HCRTR2: variants seen among roughly 807,000 people sequenced by gnomAD.
HCRTR2 encodes the protein hypocretin receptor 2, also known as orexin receptor type 2.
Under a neutral mutation model 49.0 loss-of-function variants are expected in HCRTR2, and 22 were observed. That is an observed-to-expected ratio of 0.45 (90% confidence interval 0.32 to 0.64). The LOEUF is 0.64. HCRTR2 is among the 30% of genes least tolerant of loss of function. The pLI, the probability that HCRTR2 is intolerant of heterozygous loss-of-function variation, is 0.04. For missense variants in HCRTR2, 491 were observed against 559.4 expected (o/e 0.88, Z 1.23); for synonymous variants, 236 against 205.3 (o/e 1.15, Z -1.28).
At chr6:55,215,815 A>C (rs1057088238) in intron 1 of HCRTR2, among the ~76,000 whole-genome samples, 2 of 152,224 alleles carry the variant, frequency 1.3e-5, no homozygotes, top group Non-Finnish European at 2.9e-5. Flanking sequence ...ACAGGTAATA[A>C]ACAAAAGAAA....
At chr6:55,266,954 T>C (rs563912578) in intron 4 of HCRTR2, among the ~76,000 whole-genome samples, 2 of 152,302 alleles carry the variant, frequency 1.3e-5, no homozygotes, top group Non-Finnish European at 2.9e-5. Flanking sequence ...TTATCCTCAT[T>C]AGTACAAGCC....
chr6:55,110,862 C>T (rs1378575047), intron 1 of HCRTR2, among the ~76,000 whole-genome samples: 10 of 149,472 alleles, frequency 6.7e-5, no homozygotes, highest in Non-Finnish European at 1.5e-4. Flanking sequence ...AAAGTATACC[C>T]TAGACAAACA....
rs575298608 is a variant in HCRTR2, at chr6:55,269,084, T to C, written c.762+5262T>C. Among the ~76,000 whole-genome samples the C allele has an allele frequency of 4.5e-3, 523 of 115,130 alleles. 5 individuals carry two copies. The highest frequency in any genetic ancestry group is 0.032 in the Middle Eastern group (6 of 186). 75.5% of individuals were successfully genotyped at this position (115,130 alleles called of 152,430 possible). A position where few individuals can be genotyped will look rare whatever the true frequency, so the allele number is the denominator to read the frequency against. ...CAGCCTGGGCAACAGCAAGACTCCG[T>C]CTCAAAAAAAAAAAAAAAAAAAGAA... On this transcript the variant is annotated intron_variant, in intron 4 of 6. Transcript: ENST00000370862.
chr6:55,235,697 T>C (rs1320457653), intron 1 of HCRTR2, among the ~76,000 whole-genome samples: 3 of 152,114 alleles, frequency 2.0e-5, no homozygotes, highest in South Asian at 4.1e-4. Context: ...TCTATGTAGA[T>C]ATCAATTTAT....
chr6:55,110,758 A>T (rs76377058), intron 1 of HCRTR2, among the ~76,000 whole-genome samples: 37 of 152,114 alleles, frequency 2.4e-4, no homozygotes, highest in Non-Finnish European at 5.9e-5. Context: ...AAGAAATGAG[A>T]TAGACAGAAA....
chr6:55,186,263 T>C (rs1011771527), intron 1 of HCRTR2, among the ~76,000 whole-genome samples: 2 of 152,234 alleles, frequency 1.3e-5, no homozygotes, highest in Non-Finnish European at 2.9e-5. Context: ...ATTTTTTACA[T>C]ATAAGTACAT....
chr6:55,216,343 T>C (rs1765786107), intron 1 of HCRTR2, among the ~76,000 whole-genome samples: 1 of 152,076 alleles, frequency 6.6e-6, no homozygotes, highest in Admixed American at 6.5e-5. Flanking sequence ...AGCCCCAAAG[T>C]CTTAACCTGT....
intron 4 of HCRTR2, among the ~76,000 whole-genome samples, chr6:55,268,925 C>G (rs773712737): frequency 1.3e-5 from 2 of 151,636 alleles, no homozygotes; most frequent in East Asian, 3.9e-4. Flanking sequence ...CTCGTCTCTA[C>G]TAAAGATACA....
At chr6:55,159,392 C>T (rs1764774769) in intron 1 of HCRTR2, among the ~76,000 whole-genome samples, 1 of 152,060 alleles carries the variant, frequency 6.6e-6, no homozygotes, top group Non-Finnish European at 1.5e-5. Context: ...AAAACCAGCA[C>T]AAAAAAGCTG....
intron 1 of HCRTR2, among the ~76,000 whole-genome samples, chr6:55,126,231 T>TG (rs1764274421): frequency 6.6e-6 from 1 of 152,204 alleles, no homozygotes; most frequent in South Asian, 2.1e-4. Context: ...TTTTTTGCAC[T>TG]GGTTTCTCCC....
intron 3 of HCRTR2, among the ~76,000 whole-genome samples, chr6:55,261,695 G>A (rs544510353): frequency 3.3e-5 from 5 of 152,204 alleles, no homozygotes; most frequent in East Asian, 1.9e-4. Context: ...AAGCTAGTAC[G>A]ACAACTATGG....
chr6:55,232,724 G>T (rs62416786), intron 1 of HCRTR2, among the ~76,000 whole-genome samples: 26,371 of 152,082 alleles, frequency 0.17, 2,787 homozygotes, highest in Non-Finnish European at 0.24. Flanking sequence ...TATGTTCCAA[G>T]CTTTGTGACA....
rs530138605 is a variant in HCRTR2, at chr6:55,144,099, C to CTTTTTTTT, written c.-377-30087_-377-30080dup. On this transcript the variant is annotated intron_variant, in intron 1 of 7. Transcript: ENST00000615358. ...GTGACGCCATTCTTTCCCGTCCTGC[C>CTTTTTTTT]TTTTTTTTTTTTTTTTTTTTTTTTT... Among the ~76,000 whole-genome samples, 32 of 85,356 alleles carry CTTTTTTTT rather than the reference C, an allele frequency of 3.7e-4. 3 individuals are homozygous for CTTTTTTTT. Among genetic ancestry groups the CTTTTTTTT allele is most frequent in the African/African-American group, 1.2e-3 (19 of 16,358 alleles). The allele number at this position is 85,356 out of a possible 152,430, so 56.0% of individuals were successfully genotyped here.
chr6:55,178,941 T>A (rs1299058675), intron 1 of HCRTR2, among the ~76,000 whole-genome samples: 1 of 152,242 alleles, frequency 6.6e-6, no homozygotes, highest in Non-Finnish European at 1.5e-5. Context: ...GTGTTTTAAA[T>A]AACACACACA....
chr6:55,271,793 G>C (rs1055730380), intron 4 of HCRTR2, among the ~76,000 whole-genome samples: 2 of 152,034 alleles, frequency 1.3e-5, no homozygotes, highest in Non-Finnish European at 2.9e-5. Context: ...TTACTCATTA[G>C]AGAAATATTA....
intron 1 of HCRTR2, among the ~76,000 whole-genome samples, chr6:55,188,560 A>G (rs1765263927): frequency 6.6e-6 from 1 of 152,190 alleles, no homozygotes; most frequent in East Asian, 1.9e-4. Flanking sequence ...AGCATCCTGA[A>G]CCAACGCACT....
At chr6:55,126,019 C>T (rs4490665) in intron 1 of HCRTR2, among the ~76,000 whole-genome samples, 46,650 of 151,956 alleles carry the variant, frequency 0.31, 9,253 homozygotes, top group East Asian at 0.79. Context: ...ATTACTCTAG[C>T]CTTTTTTCAA....
chr6:55,109,493 G>A (rs962683757), intron 1 of HCRTR2, among the ~76,000 whole-genome samples: 30 of 151,928 alleles, frequency 2.0e-4, no homozygotes, highest in African/African-American at 7.3e-4. Context: ...GATATGGATG[G>A]AAAAATCTCC....
chr6:55,192,399 ACACG>A (rs1277469588), intron 1 of HCRTR2, among the ~76,000 whole-genome samples: 1 of 76,430 alleles, frequency 1.3e-5, no homozygotes, highest in African/African-American at 6.5e-5. Context: ...AAACACACAC[ACACG>A]CGCGCGCGCG....
Sources: allele counts gnomAD v4.1 joint callset (sites outside exome capture counted in the v4.1 genomes callset), GRCh38; gene constraint gnomAD v4.1.1; transcripts MANE v1.5; gene names NCBI Gene and HGNC (gene_info 2026-07-23, HGNC 2026-07-21).